Variants in RBFOX1 observed in about 807,000 individuals in gnomAD.
RBFOX1 encodes the protein RNA binding protein fox-1 homolog 1.
RBFOX1 carries 8 observed loss-of-function variants against 57.7 expected under a neutral mutation model. That is an observed-to-expected ratio of 0.14 (90% CI 0.08 to 0.25). The LOEUF is 0.25. Ranked by LOEUF, RBFOX1 falls within the 10% of genes least tolerant of loss-of-function variation. RBFOX1 has a pLI of 1.00. For missense variants in RBFOX1, 611 were observed against 548.5 expected (o/e 1.11, Z -1.14); for synonymous variants, 326 against 222.4 (o/e 1.47, Z -4.15).
intron 2 of RBFOX1, among the ~76,000 whole-genome samples, chr16:5,515,338 C>A (rs183839838): frequency 6.6e-6 from 1 of 152,220 alleles, no homozygotes; most frequent in Non-Finnish European, 1.5e-5. Flanking sequence ...GCTGCAAAGC[C>A]CCCACCTCAC....
chr16:6,520,771 G>C (rs867408788), intron 2 of RBFOX1, among the ~76,000 whole-genome samples: 2 of 152,092 alleles, frequency 1.3e-5, no homozygotes, highest in Non-Finnish European at 2.9e-5. Context: ...CCTTGATTTG[G>C]TTATACCAAG....
intron 4 of RBFOX1, among the ~76,000 whole-genome samples, chr16:7,257,654 C>G (rs1324984813): frequency 1.3e-5 from 2 of 152,176 alleles, no homozygotes; most frequent in Admixed American, 6.5e-5. Context: ...TCCCAACCCT[C>G]CTCTGTAGCC....
intron 4 of RBFOX1, among the ~76,000 whole-genome samples, chr16:5,990,507 C>G (rs2060374270): frequency 6.6e-6 from 1 of 152,118 alleles, no homozygotes; most frequent in South Asian, 2.1e-4. Context: ...TTTCTTTTTT[C>G]TGCCCTCCCA....
At chr16:5,934,372 C>A (rs569275390) in intron 4 of RBFOX1, among the ~76,000 whole-genome samples, 38 of 152,328 alleles carry the variant, frequency 2.5e-4, no homozygotes, top group African/African-American at 8.7e-4. Context: ...TTCTTTATGG[C>A]AGCTGGTGTG....
chr16:5,997,684 A>C (rs189390479), intron 4 of RBFOX1, among the ~76,000 whole-genome samples: 1 of 152,192 alleles, frequency 6.6e-6, no homozygotes. Flanking sequence ...TGGAAGAGGA[A>C]TGGTTTTCAC....
rs566930720 is a variant in RBFOX1 at position 6,944,327 on chromosome 16, G to A, written c.-15-107730G>A. On this transcript the variant is annotated intron_variant, in intron 3 of 15. Coordinates refer to ENST00000550418, the MANE Select transcript of RBFOX1 (RefSeq NM_018723.4). The stretch of plus-strand genomic sequence containing the variant: ...GGAGAATCGCTTGAACCGAAGAGGC[G>A]GAGGTTGCAGTGTGCCAAGATTGCG... 8.6e-5 allele frequency among the ~76,000 whole-genome samples: 13 copies of A among 151,586 alleles called. No individual in the cohort carries two copies. The East Asian group carries it at 1.2e-3, about 14-fold the overall frequency.
intron 2 of RBFOX1, among the ~76,000 whole-genome samples, chr16:6,490,802 G>T (rs2095615464): frequency 6.6e-6 from 1 of 152,128 alleles, no homozygotes; most frequent in Admixed American, 6.5e-5. Context: ...TTATATTTCA[G>T]GCCCAATAAA....
chr16:6,739,618 T>G (rs2071439509), intron 3 of RBFOX1, among the ~76,000 whole-genome samples: 1 of 152,090 alleles, frequency 6.6e-6, no homozygotes, highest in African/African-American at 2.4e-5. Flanking sequence ...GGCTCATGCC[T>G]GTAATCCCAG....
intron 3 of RBFOX1, among the ~76,000 whole-genome samples, chr16:5,848,763 A>G (rs893146454): frequency 1.3e-5 from 2 of 152,116 alleles, no homozygotes; most frequent in Admixed American, 6.6e-5. Context: ...CCTGGCCAAC[A>G]TGGTGAAACC....
chr16:6,522,450 A>G (rs1203441745), intron 2 of RBFOX1, among the ~76,000 whole-genome samples: 3 of 152,232 alleles, frequency 2.0e-5, no homozygotes, highest in East Asian at 3.9e-4. Flanking sequence ...TTTGAAAGAT[A>G]TTTATGAAGA....
intron 4 of RBFOX1, among the ~76,000 whole-genome samples, chr16:5,955,734 A>T (rs8052230): frequency 0.033 from 4,971 of 152,152 alleles, 264 homozygotes; most frequent in African/African-American, 0.11. Context: ...AGATATTTCT[A>T]ATACACAAAA....
chr16:5,281,046 C>G (rs1292132036), intron 1 of RBFOX1, among the ~76,000 whole-genome samples: 2 of 152,006 alleles, frequency 1.3e-5, no homozygotes, highest in African/African-American at 2.4e-5. Flanking sequence ...TGAAATCTTT[C>G]TACTTTTTTG....
At chr16:6,859,857 G>C (rs1407410427) in intron 3 of RBFOX1, among the ~76,000 whole-genome samples, 2 of 152,136 alleles carry the variant, frequency 1.3e-5, no homozygotes, top group South Asian at 2.1e-4. Context: ...TGAGTATTCA[G>C]AGCTTGCTTT....
At chr16:7,131,341 CTTT>C (rs34213849) in intron 4 of RBFOX1, among the ~76,000 whole-genome samples, 16,168 of 71,528 alleles carry the variant, frequency 0.23, 1,198 homozygotes, top group Middle Eastern at 0.26. Context: ...GCGAGACTGT[CTTT>C]TTTTTTTTTT....
chr16:7,633,668 C>G (rs2061330816), intron 11 of RBFOX1, among the ~76,000 whole-genome samples: 1 of 152,194 alleles, frequency 6.6e-6, no homozygotes, highest in Admixed American at 6.5e-5. Flanking sequence ...TTCAGATGGT[C>G]AATCTCGATT....
intron 3 of RBFOX1, among the ~76,000 whole-genome samples, chr16:6,953,087 A>G (rs1426382596): frequency 6.6e-6 from 1 of 152,310 alleles, no homozygotes; most frequent in East Asian, 1.9e-4. Flanking sequence ...CACAAATACA[A>G]AAACAAAGAA....
intron 3 of RBFOX1, among the ~76,000 whole-genome samples, chr16:6,895,549 C>T (rs1481563258): frequency 3.4e-5 from 5 of 147,132 alleles, no homozygotes; most frequent in Admixed American, 2.7e-4. Context: ...GGCAGCTGCA[C>T]ATGATTGATG....
intron 3 of RBFOX1, among the ~76,000 whole-genome samples, chr16:7,017,250 C>T (rs2093962275): frequency 6.6e-6 from 1 of 152,166 alleles, no homozygotes; most frequent in East Asian, 1.9e-4. Flanking sequence ...TGTGCAGCCT[C>T]GGCTGTGCTC....
chr16:7,442,025 GT>G (rs1201883203), intron 4 of RBFOX1, among the ~76,000 whole-genome samples: 3 of 152,172 alleles, frequency 2.0e-5, no homozygotes, highest in Non-Finnish European at 4.4e-5. Flanking sequence ...TTTTCCCCTA[GT>G]TCATGGGGAG....
Sources: allele counts gnomAD v4.1 joint callset (sites outside exome capture counted in the v4.1 genomes callset), GRCh38; gene constraint gnomAD v4.1.1; transcripts MANE v1.5; gene names NCBI Gene and HGNC (gene_info 2026-07-23, HGNC 2026-07-21).